TGIF2: variants seen among roughly 807,000 people sequenced by gnomAD.
The protein encoded by TGIF2 is TGFB induced factor homeobox 2, also known as homeobox protein TGIF2.
A neutral mutation model predicts 15.1 loss-of-function variants in TGIF2; 5 were observed. That is an observed-to-expected ratio of 0.33 (90% CI 0.17 to 0.70). TGIF2 has a LOEUF of 0.70. Among genes scored for constraint, TGIF2 ranks in the 30% least tolerant of loss-of-function variants. TGIF2 has a pLI of 0.67. For synonymous variants in TGIF2, 131 were observed against 128.9 expected, an observed-to-expected ratio of 1.02 and a Z score of -0.11; for missense variants, 264 against 302.5, an observed-to-expected ratio of 0.87 and a Z score of 0.94.
At chr20:36,590,554 C>G (rs2340260) in intron 2 of TGIF2, among the ~76,000 whole-genome samples, 39 of 30,520 alleles carry the variant, frequency 1.3e-3, no homozygotes, top group African/African-American at 1.8e-3. Flanking sequence ...ATAGTAAGTG[C>G]TTCATAGCTG....
In TGIF2 at chr20:36,591,097, T is replaced by C. The variant is rs768167604; in HGVS notation, c.380T>C (p.Leu127Pro). 1 of 1,604,850 alleles carries C rather than the reference T, an allele frequency of 6.2e-7. No individual in the cohort carries two copies. Among genetic ancestry groups the C allele is most frequent in the Admixed American group, 1.7e-5 (1 of 59,690 alleles). Reference sequence around the variant, plus strand: ...CCAGCCCCCACCAATGTGCTCTCCCTGTCTGTGTGCTCCATGCCGCTTCAC... The same window carrying C: ...CCAGCCCCCACCAATGTGCTCTCCCCGTCTGTGTGCTCCATGCCGCTTCAC... Reference protein sequence around the residue: ...SVPAPTNVLSLSVCSMPLHSG... With the variant: ...SVPAPTNVLSPSVCSMPLHSG... Residue 127 changes from leucine (L) to proline (P), a missense_variant, in exon 3 of 3, where the codon CTG (leucine) becomes CCG (proline). Leu to Pro is a moderately conservative substitution (Grantham distance 98, BLOSUM62 -3). Transcript: ENST00000373872. This position sits in a 1 kb window ranked among gnomAD's most constrained non-coding sequence, Gnocchi z 5.3.
chr20:36,579,221 G>C (rs1465399816), intron 2 of TGIF2, among the ~76,000 whole-genome samples: 2 of 152,156 alleles, frequency 1.3e-5, no homozygotes, highest in Non-Finnish European at 2.9e-5. Context: ...ACCCGGGCTG[G>C]AGTGCAGTGA....
At chr20:36,581,040 T>C (rs1352089530) in intron 2 of TGIF2, among the ~76,000 whole-genome samples, 1 of 151,770 alleles carries the variant, frequency 6.6e-6, no homozygotes, top group Non-Finnish European at 1.5e-5. Flanking sequence ...GGCAGGAGAA[T>C]TGCTTGAACC....
intron 2 of TGIF2, 71 bp from the exon 3 acceptor site, chr20:36,590,839 G>C: frequency 6.8e-7 from 1 of 1,468,952 alleles, no homozygotes; most frequent in Non-Finnish European, 9.1e-7. Flanking sequence ...GATTACAGGT[G>C]TGAGCCACTG....
chr20:36,579,257 C>T (rs369213134), intron 2 of TGIF2, among the ~76,000 whole-genome samples: 2 of 152,138 alleles, frequency 1.3e-5, no homozygotes, highest in Non-Finnish European at 2.9e-5. Context: ...CTGCAACCTC[C>T]GCCTCCCGGG....
At chr20:36,582,558 G>A (rs934587116) in intron 2 of TGIF2, among the ~76,000 whole-genome samples, 4 of 152,130 alleles carry the variant, frequency 2.6e-5, no homozygotes, top group African/African-American at 9.7e-5. Flanking sequence ...CTTAGGCCCC[G>A]ATGCTCCTAC....
chr20:36,578,613 C>T, intron 1 of TGIF2, 128 bp from the exon 2 acceptor site: 3 of 1,071,146 alleles, frequency 2.8e-6, no homozygotes, highest in Non-Finnish European at 3.9e-6. Flanking sequence ...GTGTTACGGC[C>T]TGAGATTCTG....
chr20:36,578,597 C>G, intron 1 of TGIF2, 144 bp from the exon 2 acceptor site: 4 of 887,438 alleles, frequency 4.5e-6, no homozygotes, highest in Non-Finnish European at 6.5e-6. Flanking sequence ...CTAGCTTGCT[C>G]GGTCTGTGTT....
intron 2 of TGIF2, among the ~76,000 whole-genome samples, chr20:36,580,504 G>C (rs993489593): frequency 1.3e-5 from 2 of 151,980 alleles, no homozygotes; most frequent in Admixed American, 1.3e-4. Context: ...AGAAAGGGAC[G>C]AGAAGAAGAA....
chr20:36,584,549 TTAA>T (rs1235734248), intron 2 of TGIF2, among the ~76,000 whole-genome samples: 1 of 151,704 alleles, frequency 6.6e-6, no homozygotes, highest in East Asian at 1.9e-4. Flanking sequence ...TATTTATTAA[TTAA>T]TTTTTTTTTT....
At position 36,576,101 on chromosome 20, in the gene TGIF2, A is replaced by AG. The variant is rs2038423770; in HGVS notation, c.-35+2356_-35+2357insG. Reference sequence around the variant, plus strand: ...AGCGAGACTCCATCTCAAAAAAAAAAAAAGAAAGAAAGAAAGAAAGAAAAT... The same window carrying AG: ...AGCGAGACTCCATCTCAAAAAAAAAAGAAAGAAAGAAAGAAAGAAAGAAAAT... On this transcript the variant is annotated intron_variant, in intron 1 of 2. Transcript: ENST00000373872. Among the ~76,000 whole-genome samples, 5 of 150,154 alleles carry AG rather than the reference A, an allele frequency of 3.3e-5. No individual in the cohort carries two copies. In the South Asian group the frequency reaches 6.4e-4, roughly 19 times the overall value.
At chr20:36,573,975 GA>G (rs2147914571) in intron 1 of TGIF2, among the ~76,000 whole-genome samples, 1 of 151,750 alleles carries the variant, frequency 6.6e-6, no homozygotes, top group Admixed American at 6.5e-5. Flanking sequence ...CCCCCGGGAG[GA>G]AGCCCGCTTG....
rs2038709146 is a variant in TGIF2 at position 36,588,638 on chromosome 20, A to C, written c.193-2272A>C. Among the ~76,000 whole-genome samples, 3 of 152,068 alleles carry C rather than the reference A, an allele frequency of 2.0e-5. No homozygotes were observed. In the South Asian group the frequency reaches 6.2e-4, roughly 31 times the overall value. ...GCATTGGAGCACCATAGTGGTGAAG[A>C]GGGGCAAATAAGGACCCCAGAGCCA... On this transcript the variant is annotated intron_variant, in intron 2 of 2. Transcript: ENST00000373872.
chr20:36,579,312 C>T (rs1467343571), intron 2 of TGIF2, among the ~76,000 whole-genome samples: 3 of 152,106 alleles, frequency 2.0e-5, no homozygotes, highest in Non-Finnish European at 4.4e-5. Flanking sequence ...GCTGGGATTA[C>T]AGGCGCCCGC....
At chr20:36,589,735 C>G (rs2038731207) in intron 2 of TGIF2, among the ~76,000 whole-genome samples, 2 of 152,088 alleles carry the variant, frequency 1.3e-5, no homozygotes, top group African/African-American at 4.8e-5. Flanking sequence ...GTCACCCAGG[C>G]TGGAGTACAG....
At chr20:36,588,736 C>T (rs1299187713) in intron 2 of TGIF2, among the ~76,000 whole-genome samples, 1 of 152,086 alleles carries the variant, frequency 6.6e-6, no homozygotes, top group Non-Finnish European at 1.5e-5. Context: ...GCCTATGAGC[C>T]TTCCAGCCCG....
In TGIF2 at chr20:36,591,335, A is replaced by T. The variant is rs926568143; in HGVS notation, c.618A>T (p.Leu206=). 2 of 1,614,194 alleles carry T rather than the reference A, an allele frequency of 1.2e-6. No homozygotes were observed. The highest frequency in any genetic ancestry group is 1.7e-6 in the Non-Finnish European group (2 of 1,180,036). ...TCCAGCTGCTGGTGGAGGTGGCGCT[A>T]CAGAGGGCTGCTGAGATGGAGCTTC... ...SSFQLLVEVA[L]QRAAEMELQK... Residue 206 remains leucine, a synonymous_variant, in exon 3 of 3, where the codon CTA becomes CTT. Coordinates refer to ENST00000373872, the MANE Select transcript of TGIF2 (RefSeq NM_021809.7). This position sits in a 1 kb window ranked among gnomAD's most constrained non-coding sequence, Gnocchi z 5.3.
rs144818821 is a variant in TGIF2 at position 36,586,530 on chromosome 20, A to C, written c.193-4380A>C. ...GCCAACACGGTGAAACCCTGTCTCTATTAAAAATACAAAAATTACTTGGGC... is the reference window on the plus strand; with the variant it reads ...GCCAACACGGTGAAACCCTGTCTCTCTTAAAAATACAAAAATTACTTGGGC... On this transcript the variant is annotated intron_variant, in intron 2 of 2. Transcript: ENST00000373872. Among the ~76,000 whole-genome samples, 294 of 152,296 alleles carry C rather than the reference A, an allele frequency of 1.9e-3. 1 individual carries two copies. Among genetic ancestry groups the C allele is most frequent in the African/African-American group, 6.9e-3 (286 of 41,564 alleles).
intron 2 of TGIF2, among the ~76,000 whole-genome samples, chr20:36,580,799 G>A (rs1478553120): frequency 8.8e-6 from 1 of 113,726 alleles, no homozygotes; most frequent in Non-Finnish European, 1.7e-5. Context: ...GGGCGAAGGA[G>A]TGAGACATTG....
Sources: gnomAD v4.1 joint callset for allele counts (sites outside exome capture counted in the v4.1 genomes callset) on GRCh38, gnomAD v4.1.1 for gene constraint, Gnocchi (gnomAD v3.1) non-coding constraint, MANE v1.5 for transcripts, NCBI Gene and HGNC (gene_info 2026-07-23, HGNC 2026-07-21) for gene names.